FRS2: variants seen among roughly 807,000 people sequenced by gnomAD.
FRS2 encodes FGFR signalling adaptor.
In FRS2, 8 loss-of-function variants were observed where a neutral mutation model predicts 43.9. The observed-to-expected ratio is 0.18, with a 90% CI of 0.11 to 0.33. FRS2 has a LOEUF of 0.33. Ranked by LOEUF, FRS2 falls within the 10% of genes least tolerant of loss-of-function variation. The pLI is 1.00. For synonymous variants in FRS2, 219 were observed against 220.3 expected (o/e 0.99, Z 0.05); for missense variants, 534 against 627.6 (o/e 0.85, Z 1.59).
chr12:69,538,220 TATAG>T lies in FRS2; in HGVS notation c.-122+6165_-122+6168del, dbSNP rs1443441114. Among the ~76,000 whole-genome samples the T allele has an allele frequency of 3.3e-4, 39 of 119,804 alleles. 1 individual carries two copies. Among genetic ancestry groups the T allele is most frequent in the African/African-American group, 1.2e-3 (37 of 31,082 alleles). 78.6% of individuals were successfully genotyped at this position (119,804 alleles called of 152,430 possible). A position where few individuals can be genotyped will look rare whatever the true frequency, so the allele number is the denominator to read the frequency against. ...TTTTATATATATATATATATATATA[TATAG>T]CATTGCAGATTATATATATATATAC... On this transcript the variant is annotated intron_variant, in intron 3 of 8. Coordinates refer to ENST00000549921, the MANE Select transcript of FRS2 (RefSeq NM_001278356.2).
intron 1 of FRS2, among the ~76,000 whole-genome samples, chr12:69,492,207 A>G (rs1872547781): frequency 6.6e-6 from 1 of 152,228 alleles, no homozygotes; most frequent in African/African-American, 2.4e-5. Flanking sequence ...TTGTGTTTAA[A>G]AAAGAATTTG....
intron 1 of FRS2, among the ~76,000 whole-genome samples, chr12:69,505,611 C>T (rs184729440): frequency 1.9e-3 from 292 of 152,286 alleles, no homozygotes; most frequent in Non-Finnish European, 3.3e-3. Flanking sequence ...AACTATGTTT[C>T]TGCCAATAAC....
At chr12:69,545,307 A>G (rs1878273699) in intron 3 of FRS2, among the ~76,000 whole-genome samples, 1 of 152,236 alleles carries the variant, frequency 6.6e-6, no homozygotes, top group Non-Finnish European at 1.5e-5. Flanking sequence ...TGGAATATCA[A>G]GGGACTCTCA....
intron 3 of FRS2, among the ~76,000 whole-genome samples, chr12:69,558,240 A>G (rs1183204243): frequency 6.6e-6 from 1 of 152,216 alleles, no homozygotes; most frequent in African/African-American, 2.4e-5. Context: ...TGTGCCTTGA[A>G]GGTTAGACTT....
chr12:69,532,592 C>CCACATTACCTAGT (rs1381287789), intron 3 of FRS2, among the ~76,000 whole-genome samples: 1 of 152,024 alleles, frequency 6.6e-6, no homozygotes, highest in African/African-American at 2.4e-5. Flanking sequence ...AGGAAGGAGC[C>CCACATTACCTAGT]CACATTACCT....
intron 3 of FRS2, among the ~76,000 whole-genome samples, chr12:69,539,552 G>A (rs1209093919): frequency 6.6e-6 from 1 of 152,174 alleles, no homozygotes; most frequent in African/African-American, 2.4e-5. Flanking sequence ...GAGGTCAGGT[G>A]TGAAATTTTC....
intron 1 of FRS2, among the ~76,000 whole-genome samples, chr12:69,494,592 A>G (rs1872723849): frequency 6.6e-6 from 1 of 152,138 alleles, no homozygotes; most frequent in Admixed American, 6.5e-5. Flanking sequence ...TGTCCTATGC[A>G]TTGTAGAATG....
rs527526540 is a variant in FRS2, at chr12:69,570,597, T to G, written c.253+80T>G. On this transcript the variant is annotated intron_variant, in intron 6 of 8. Coordinates refer to ENST00000549921, the MANE Select transcript of FRS2 (RefSeq NM_001278356.2). Reference sequence around the variant, plus strand: ...ATTCTGTATACAAAGATTAAATTAATATTTTTCTTCTGAAAAAAATCCCAA... The same window carrying G: ...ATTCTGTATACAAAGATTAAATTAAGATTTTTCTTCTGAAAAAAATCCCAA... 6.0e-6 allele frequency: 5 copies of G among 834,204 alleles called. No individual in the cohort carries two copies. The African/African-American group carries it at 8.6e-5, about 14-fold the overall frequency. The allele number at this position is 834,204 out of a possible 1,614,324, so 51.7% of individuals were successfully genotyped here. A position where few individuals can be genotyped will look rare whatever the true frequency, so the allele number is the denominator to read the frequency against.
intron 1 of FRS2, among the ~76,000 whole-genome samples, chr12:69,528,711 A>G (rs1022717925): frequency 6.6e-6 from 1 of 152,244 alleles, no homozygotes; most frequent in African/African-American, 2.4e-5. Context: ...TCCCAAATTT[A>G]TAATTTACTA....
intron 1 of FRS2, among the ~76,000 whole-genome samples, chr12:69,473,549 G>A (rs1870497591): frequency 1.3e-5 from 2 of 152,128 alleles, no homozygotes. Flanking sequence ...TAGAGATGAG[G>A]TTTGAATTTT....
chr12:69,572,525 T>G (rs1424137704), intron 8 of FRS2, among the ~76,000 whole-genome samples: 1 of 152,226 alleles, frequency 6.6e-6, no homozygotes, highest in Non-Finnish European at 1.5e-5. Flanking sequence ...ATCTATAGAT[T>G]AAGAAAGGCA....
chr12:69,527,493 T>G (rs997276869), intron 1 of FRS2, among the ~76,000 whole-genome samples: 1 of 151,876 alleles, frequency 6.6e-6, no homozygotes, highest in Non-Finnish European at 1.5e-5. Context: ...TTTAAGCAAA[T>G]TTTTACATAA....
chr12:69,568,940 C>A (rs1676505339), intron 4 of FRS2, 65 bp from the exon 5 acceptor site: 2 of 740,828 alleles, frequency 2.7e-6, no homozygotes, highest in Non-Finnish European at 2.2e-6. Context: ...TTTCTAAAGT[C>A]TTTTTCTGTT....
chr12:69,534,964 C>A (rs1379892197), intron 3 of FRS2, among the ~76,000 whole-genome samples: 1 of 151,972 alleles, frequency 6.6e-6, no homozygotes, highest in East Asian at 1.9e-4. Context: ...TCCAGTTGAT[C>A]CTTTTCAGTC....
chr12:69,474,168 A>T (rs1405328865), intron 1 of FRS2, among the ~76,000 whole-genome samples: 2 of 152,070 alleles, frequency 1.3e-5, no homozygotes, highest in Admixed American at 1.3e-4. Context: ...AGTGTCGGAG[A>T]TGTTGACGGT....
chr12:69,570,503 G>A lies in FRS2; in HGVS notation c.239G>A (p.Cys80Tyr). ...TTTTCTTTTGAAAGTGGTCGAAGGT[G>A]TCAAACTGGACAAGGTAGAACCTTT... ...NLFSFESGRR[C>Y]QTGQGIFAFK... is the part of the protein sequence containing the mutation. The change falls in exon 6 of 9, where the codon TGT becomes TAT. Residue 80 changes from cysteine to tyrosine, a missense_variant. Physicochemically the swap from Cys to Tyr is radical, Grantham distance 194. This residue lies in a region of FRS2 where 12 missense variants were observed against 42.9 expected (regional missense o/e 0.28). Transcript: ENST00000549921. The A allele has an allele frequency of 6.2e-7, 1 of 1,606,540 alleles. No homozygotes were observed. Among genetic ancestry groups the A allele is most frequent in the Non-Finnish European group, 8.5e-7 (1 of 1,173,080 alleles).
chr12:69,499,625 GATGATTTTATTTGCACAC>G (rs1344521128), intron 1 of FRS2, among the ~76,000 whole-genome samples: 49 of 152,140 alleles, frequency 3.2e-4, no homozygotes, highest in Non-Finnish European at 4.4e-5. Flanking sequence ...TCTAAAATAA[GATGATTTTATTTGCACAC>G]ATGATTTTAT....
intron 1 of FRS2, among the ~76,000 whole-genome samples, chr12:69,510,914 G>C (rs564565607): frequency 6.6e-6 from 1 of 152,244 alleles, no homozygotes; most frequent in African/African-American, 2.4e-5. Flanking sequence ...AAAAGATTTA[G>C]CCCTTTGAAG....
intron 4 of FRS2, among the ~76,000 whole-genome samples, chr12:69,566,115 T>C (rs898040554): frequency 6.6e-6 from 1 of 152,180 alleles, no homozygotes; most frequent in Admixed American, 6.5e-5. Flanking sequence ...CTGTCATATA[T>C]GTAGTCTGTT....
Sources: allele counts gnomAD v4.1 joint callset (sites outside exome capture counted in the v4.1 genomes callset), GRCh38; gene constraint gnomAD v4.1.1; regional missense constraint gnomAD v4.1.1; transcripts MANE v1.5; gene names NCBI Gene and HGNC (gene_info 2026-07-23, HGNC 2026-07-21).